The following MAGI1 variants were observed in gnomAD, a reference collection of about 807,000 sequenced individuals.
MAGI1 encodes membrane associated guanylate kinase, WW and PDZ domain containing 1.
MAGI1 carries 58 observed loss-of-function variants against 139.9 expected under a neutral mutation model. The ratio of observed to expected loss-of-function variants is 0.41; its 90% CI spans 0.34 to 0.52. MAGI1 has a LOEUF of 0.52. Ranked by LOEUF, MAGI1 falls within the 20% of genes least tolerant of loss-of-function variation. MAGI1 has a pLI of 0.12. For synonymous variants in MAGI1, 812 were observed against 737.9 expected, an observed-to-expected ratio of 1.10 and a Z score of -1.63; for missense variants, 1,874 against 1,901.6, an observed-to-expected ratio of 0.99 and a Z score of 0.27.
At chr3:65,489,332 A>G (rs1203649469) in intron 3 of MAGI1, among the ~76,000 whole-genome samples, 1 of 152,222 alleles carries the variant, frequency 6.6e-6, no homozygotes, top group African/African-American at 2.4e-5. Flanking sequence ...CTCACAAAAA[A>G]AGTCTGACCT....
At chr3:65,772,436 G>T (rs2038031486) in intron 1 of MAGI1, among the ~76,000 whole-genome samples, 1 of 152,136 alleles carries the variant, frequency 6.6e-6, no homozygotes, top group South Asian at 2.1e-4. Context: ...ACAGGAGTGG[G>T]CATGGGACCT....
intron 1 of MAGI1, among the ~76,000 whole-genome samples, chr3:65,696,157 T>C (rs2089166611): frequency 6.6e-6 from 1 of 152,158 alleles, no homozygotes; most frequent in Admixed American, 6.6e-5. Context: ...AGAAGCATTT[T>C]CCTCCATCAG....
intron 1 of MAGI1, among the ~76,000 whole-genome samples, chr3:65,895,215 T>C (rs1020913847): frequency 1.3e-5 from 2 of 152,172 alleles, no homozygotes; most frequent in Non-Finnish European, 2.9e-5. Flanking sequence ...AACAAATGTG[T>C]CTTCTTCTAA....
At chr3:65,398,679 A>C (rs1944605547) in intron 13 of MAGI1, among the ~76,000 whole-genome samples, 1 of 152,172 alleles carries the variant, frequency 6.6e-6, no homozygotes, top group African/African-American at 2.4e-5. Flanking sequence ...AGTCAGGATG[A>C]TTAAGTTGGG....
chr3:65,577,394 T>C (rs915436075), intron 2 of MAGI1, among the ~76,000 whole-genome samples: 1 of 152,100 alleles, frequency 6.6e-6, no homozygotes, highest in Non-Finnish European at 1.5e-5. Context: ...TATCAAAGCC[T>C]GAGGCAAAAT....
intron 1 of MAGI1, among the ~76,000 whole-genome samples, chr3:65,756,818 C>A (rs140520218): frequency 0.024 from 3,685 of 152,262 alleles, 70 homozygotes; most frequent in Non-Finnish European, 0.037. Context: ...ACTAAAACAA[C>A]AGAATACCCA....
At chr3:65,917,754 T>C (rs2061974330) in intron 1 of MAGI1, among the ~76,000 whole-genome samples, 1 of 152,062 alleles carries the variant, frequency 6.6e-6, no homozygotes, top group East Asian at 1.9e-4. Flanking sequence ...ATGGAGACAG[T>C]AAAAAGATCA....
intron 2 of MAGI1, among the ~76,000 whole-genome samples, chr3:65,525,271 A>C (rs973913453): frequency 6.6e-6 from 1 of 152,106 alleles, no homozygotes; most frequent in African/African-American, 2.4e-5. Context: ...CCTTTCTCAA[A>C]TCTGCAACTC....
At chr3:65,463,598 G>GTGA (rs1949967531) in intron 5 of MAGI1, among the ~76,000 whole-genome samples, 1 of 147,750 alleles carries the variant, frequency 6.8e-6, no homozygotes, top group Non-Finnish European at 1.5e-5. Context: ...GTGTGTGTGT[G>GTGA]TGTGTCTGCC....
chr3:65,818,885 C>T (rs893836495), intron 1 of MAGI1, among the ~76,000 whole-genome samples: 4 of 152,120 alleles, frequency 2.6e-5, no homozygotes, highest in East Asian at 1.9e-4. Context: ...TAGTTTATCA[C>T]GGCTCAACAA....
At chr3:65,414,871 A>T (rs1420529615) in intron 12 of MAGI1, among the ~76,000 whole-genome samples, 2 of 151,082 alleles carry the variant, frequency 1.3e-5, no homozygotes, top group Non-Finnish European at 3.0e-5. Context: ...AAAAAAAAAA[A>T]ATACAAAATT....
chr3:66,037,381 C>T (rs937822131), intron 1 of MAGI1, among the ~76,000 whole-genome samples: 7 of 152,084 alleles, frequency 4.6e-5, no homozygotes. Flanking sequence ...CCCCTTCCCC[C>T]TCTCCCCCTC....
At position 65,625,167 on chromosome 3, in the gene MAGI1, C is replaced by T. The variant is rs368646677; in HGVS notation, c.314-3079G>A. On this transcript the variant is annotated intron_variant, in intron 1 of 22. Transcript: ENST00000402939. Reference sequence around the variant, plus strand: ...GGATTACAGGTGTGAGCCACCACTCCTGGCCCCAATATAATATTCTTGATT... The same window carrying T: ...GGATTACAGGTGTGAGCCACCACTCTTGGCCCCAATATAATATTCTTGATT... 1.2e-4 allele frequency among the ~76,000 whole-genome samples: 19 copies of T among 152,306 alleles called. No homozygotes were observed. The South Asian group carries it at 3.9e-3, about 32-fold the overall frequency.
intron 2 of MAGI1, among the ~76,000 whole-genome samples, chr3:65,579,663 T>C (rs906428750): frequency 6.6e-6 from 1 of 151,924 alleles, no homozygotes; most frequent in African/African-American, 2.4e-5. Flanking sequence ...CTGGCCAACA[T>C]AGTGAAACCC....
intron 1 of MAGI1, among the ~76,000 whole-genome samples, chr3:65,979,088 T>TTCCCCCCCCCCCCC (rs377493475): frequency 1.9e-5 from 1 of 52,970 alleles, no homozygotes; most frequent in African/African-American, 7.0e-5. Context: ...TTTCTTTTCT[T>TTCCCCCCCCCCCCC]CCCCCCCCCC....
chr3:65,666,712 C>G (rs777792469), intron 1 of MAGI1, among the ~76,000 whole-genome samples: 1 of 152,048 alleles, frequency 6.6e-6, no homozygotes, highest in Non-Finnish European at 1.5e-5. Context: ...TGGTGGAGGC[C>G]ATAGAAAAAG....
At chr3:65,636,616 G>T (rs1216361434) in intron 1 of MAGI1, among the ~76,000 whole-genome samples, 1 of 151,920 alleles carries the variant, frequency 6.6e-6, no homozygotes, top group Non-Finnish European at 1.5e-5. Flanking sequence ...TGCCCTTAAT[G>T]ATCATTTTTT....
At chr3:65,771,333 C>T (rs264102) in intron 1 of MAGI1, among the ~76,000 whole-genome samples, 1 of 151,612 alleles carries the variant, frequency 6.6e-6, no homozygotes, top group African/African-American at 2.4e-5. Context: ...AAAAAGAAGA[C>T]GATTACTCAG....
At chr3:65,792,335 C>T (rs1315033063) in intron 1 of MAGI1, among the ~76,000 whole-genome samples, 1 of 151,912 alleles carries the variant, frequency 6.6e-6, no homozygotes, top group Non-Finnish European at 1.5e-5. Context: ...TGTGGTGGTA[C>T]ACACCTGTAA....
Sources: gnomAD v4.1 joint callset for allele counts (sites outside exome capture counted in the v4.1 genomes callset) on GRCh38, gnomAD v4.1.1 for gene constraint, MANE v1.5 for transcripts, NCBI Gene and HGNC (gene_info 2026-07-23, HGNC 2026-07-21) for gene names.